The following IGSF3 variants were observed in gnomAD, a reference collection of about 807,000 sequenced individuals.
IGSF3 encodes the protein glu-Trp-Ile EWI motif-containing protein 3.
In IGSF3, 23 loss-of-function variants were observed where a neutral mutation model predicts 114.4. The ratio of observed to expected loss-of-function variants is 0.20; its 90% CI spans 0.14 to 0.28. IGSF3 has a LOEUF of 0.28. IGSF3 is among the 10% of genes least tolerant of loss of function. IGSF3 has a pLI of 1.00. For missense variants in IGSF3, 1,172 were observed against 1,591.5 expected (o/e 0.74, Z 4.48); for synonymous variants, 571 against 645.2 (o/e 0.88, Z 1.74).
At position 116,650,461 on chromosome 1, in the gene IGSF3, G is replaced by A. The variant is rs1557885791; in HGVS notation, c.43+15823C>T. On this transcript the variant is annotated intron_variant, in intron 2 of 10. Transcript: ENST00000369486. The surrounding 1 kb of genome is among the most constrained non-coding windows in gnomAD (Gnocchi z 5.0). ...CTCATACCTCAGTGGCCAAAACCAT[G>A]TCACACGCCCATGTCTAAATTACGG... is the stretch of plus-strand genomic sequence containing the variant. 6.6e-6 allele frequency among the ~76,000 whole-genome samples: 1 copy of A among 152,174 alleles called. No homozygotes were observed. Among genetic ancestry groups the A allele is most frequent in the Non-Finnish European group, 1.5e-5 (1 of 68,036 alleles).
Position 116,610,212 on chromosome 1 carries a change from A to C in IGSF3, c.833-1881T>G, listed in dbSNP as rs200763191. Among the ~76,000 whole-genome samples the C allele has an allele frequency of 2.6e-5, 4 of 152,178 alleles. No individual in the cohort carries two copies. Among genetic ancestry groups the C allele is most frequent in the African/African-American group, 9.7e-5 (4 of 41,450 alleles). On this transcript the variant is annotated intron_variant, in intron 4 of 10. Transcript: ENST00000369486. The surrounding 1 kb of genome is among the most constrained non-coding windows in gnomAD (Gnocchi z 4.3). ...CAACCCAGTTAGTCATTTATAACCC[A>C]ACATCAATGACAGAAAAGCACTCCT...
At chr1:116,617,655 T>G (rs1234365213) in intron 2 of IGSF3, among the ~76,000 whole-genome samples, 1 of 152,214 alleles carries the variant, frequency 6.6e-6, no homozygotes, top group African/African-American at 2.4e-5. Flanking sequence ...TTCTCATCAG[T>G]AAGATGGGGA....
rs1648746091 is a variant in IGSF3, at chr1:116,654,034, A to T, written c.43+12250T>A. On this transcript the variant is annotated intron_variant, in intron 2 of 10. Transcript: ENST00000369486. The surrounding 1 kb of genome is among the most constrained non-coding windows in gnomAD (Gnocchi z 4.4). ...CAGCAAATCATCTCTAAACAATGTC[A>T]TAAAGGGTTACCTAGTTTGGGGTAA... is the stretch of plus-strand genomic sequence containing the variant. 6.6e-6 allele frequency among the ~76,000 whole-genome samples: 1 copy of T among 152,260 alleles called. No individual in the cohort carries two copies.
rs190475271 is a variant in IGSF3 at position 116,628,654 on chromosome 1, A to G, written c.44-12197T>C. On this transcript the variant is annotated intron_variant, in intron 2 of 10. Transcript: ENST00000369486. This position sits in a 1 kb window ranked among gnomAD's most constrained non-coding sequence, Gnocchi z 4.2. ...TGAACATCTACACGTAACTAAAAAT[A>G]AATACTGAGAGCACTGACACTGCTT... Among the ~76,000 whole-genome samples the G allele has an allele frequency of 6.6e-6, 1 of 152,310 alleles. No homozygotes were observed. The highest frequency in any genetic ancestry group is 2.4e-5 in the African/African-American group (1 of 41,560).
rs901895521 is a variant in IGSF3, at chr1:116,585,231, G to T, written c.2441-179C>A. Reference sequence around the variant, plus strand: ...AACATTCTGAGTTCCTTGATCGTGTGTCGGAATGCCTGGGTTTCAAGGAGC... The same window carrying T: ...AACATTCTGAGTTCCTTGATCGTGTTTCGGAATGCCTGGGTTTCAAGGAGC... On this transcript the variant is annotated intron_variant, in intron 8 of 10. Transcript: ENST00000369486. This position sits in a 1 kb window ranked among gnomAD's most constrained non-coding sequence, Gnocchi z 4.9. 2.6e-5 allele frequency among the ~76,000 whole-genome samples: 4 copies of T among 152,320 alleles called. No homozygotes were observed. The highest frequency in any genetic ancestry group is 9.6e-5 in the African/African-American group (4 of 41,566).
rs1449848151 is a variant in IGSF3 at position 116,660,114 on chromosome 1, TG to T, written c.43+6169del. Among the ~76,000 whole-genome samples, 12 of 152,326 alleles carry T rather than the reference TG, an allele frequency of 7.9e-5. No individual in the cohort carries two copies. The South Asian group carries it at 1.7e-3, about 21-fold the overall frequency. ...CATTATAATTCAAACCAATTTTCTG[TG>T]TCCAGCATCATCCCACCTGAACTGG... On this transcript the variant is annotated intron_variant, in intron 2 of 10. Transcript: ENST00000369486.
chr1:116,604,494 T>G (rs1660716614), intron 5 of IGSF3, among the ~76,000 whole-genome samples: 1 of 152,232 alleles, frequency 6.6e-6, no homozygotes, highest in African/African-American at 2.4e-5. Context: ...ATGTGCCATT[T>G]GAGTCCTTCA....
intron 7 of IGSF3, among the ~76,000 whole-genome samples, chr1:116,599,355 A>G (rs1660473545): frequency 1.3e-5 from 2 of 151,468 alleles, no homozygotes; most frequent in Admixed American, 1.3e-4. Flanking sequence ...TGGCCTGTGC[A>G]TTTCACAAAT....
chr1:116,602,605 G>GAGGA (rs1182732310), intron 6 of IGSF3, among the ~76,000 whole-genome samples: 1 of 152,206 alleles, frequency 6.6e-6, no homozygotes, highest in Admixed American at 6.5e-5. Flanking sequence ...TAAGAAAATG[G>GAGGA]AGGACTCTGT....
chr1:116,590,614 G>T (rs888929320), intron 7 of IGSF3, among the ~76,000 whole-genome samples: 1 of 152,148 alleles, frequency 6.6e-6, no homozygotes, highest in Non-Finnish European at 1.5e-5. Flanking sequence ...GCCTGGCCAG[G>T]CTCCAGCACT....
rs13373773 is a variant in IGSF3, at chr1:116,610,337, C to T, written c.833-2006G>A. Among the ~76,000 whole-genome samples the T allele has an allele frequency of 1.3e-5, 2 of 152,162 alleles. No homozygotes were observed. Among genetic ancestry groups the T allele is most frequent in the Admixed American group, 6.5e-5 (1 of 15,274 alleles). On this transcript the variant is annotated intron_variant, in intron 4 of 10. Transcript: ENST00000369486. The surrounding 1 kb of genome is among the most constrained non-coding windows in gnomAD (Gnocchi z 4.3). ...GGCTGTAACTCTGGCTTTCTTCTTT[C>T]GGCGGCCAAAGACTCTTCTCATCTC...
Position 116,588,239 on chromosome 1 carries a change from G to A in IGSF3, c.2440+455C>T, listed in dbSNP as rs1365340514. Among the ~76,000 whole-genome samples the A allele has an allele frequency of 2.0e-5, 3 of 152,170 alleles. No individual in the cohort carries two copies. The highest frequency in any genetic ancestry group is 4.4e-5 in the Non-Finnish European group (3 of 68,030). ...AATGATTCAGTTTGGAGATAGGAAA[G>A]GCTTGTCTGGGCGGGCTGGGAGCTA... On this transcript the variant is annotated intron_variant, in intron 8 of 10. Coordinates refer to ENST00000369486, the MANE Select transcript of IGSF3 (RefSeq NM_001007237.3). The surrounding 1 kb of genome is among the most constrained non-coding windows in gnomAD (Gnocchi z 4.9).
Position 116,644,366 on chromosome 1 carries a change from A to G in IGSF3, c.43+21918T>C, listed in dbSNP as rs1410417284. ...GCAAGCTCCAGACGGGAGATGCGCC[A>G]TATAACAGCAGCAGTTCCACACAGC... is the stretch of plus-strand genomic sequence containing the variant. On this transcript the variant is annotated intron_variant, in intron 2 of 10. Coordinates refer to ENST00000369486, the MANE Select transcript of IGSF3 (RefSeq NM_001007237.3). This position sits in a 1 kb window ranked among gnomAD's most constrained non-coding sequence, Gnocchi z 5.6. Among the ~76,000 whole-genome samples the G allele has an allele frequency of 6.6e-6, 1 of 152,228 alleles. No individual in the cohort carries two copies. Among genetic ancestry groups the G allele is most frequent in the Non-Finnish European group, 1.5e-5 (1 of 68,048 alleles).
Position 116,612,224 on chromosome 1 carries a change from A to G in IGSF3, c.832+1541T>C, listed in dbSNP as rs974567064. 1.3e-5 allele frequency among the ~76,000 whole-genome samples: 2 copies of G among 152,190 alleles called. No individual in the cohort carries two copies. The highest frequency in any genetic ancestry group is 4.8e-5 in the African/African-American group (2 of 41,434). On this transcript the variant is annotated intron_variant, in intron 4 of 10. Transcript: ENST00000369486. This position sits in a 1 kb window ranked among gnomAD's most constrained non-coding sequence, Gnocchi z 4.1. ...AAACTATCCAGGAAGGGAAAGGATA[A>G]ATATAAAATAAAGCCCCTTGGATAG...
chr1:116,621,365 T>C (rs1481531098), intron 2 of IGSF3, among the ~76,000 whole-genome samples: 1 of 152,220 alleles, frequency 6.6e-6, no homozygotes, highest in Non-Finnish European at 1.5e-5. Flanking sequence ...TCTCACTGTG[T>C]TGCCCAGGCT....
chr1:116,658,020 T>C (rs1648940086), intron 2 of IGSF3, among the ~76,000 whole-genome samples: 1 of 151,984 alleles, frequency 6.6e-6, no homozygotes, highest in South Asian at 2.1e-4. Context: ...TTGCTCTGAT[T>C]ATGGTTTTTT....
In IGSF3 at chr1:116,612,939, A is replaced by G. The variant is rs1027295481; in HGVS notation, c.832+826T>C. ...AGAGTCTGGGGCCACAGGAGATACCAAGAGAAGCCAGGGAGGGTTTCAGCT... is the reference window on the plus strand; with the variant it reads ...AGAGTCTGGGGCCACAGGAGATACCGAGAGAAGCCAGGGAGGGTTTCAGCT... On this transcript the variant is annotated intron_variant, in intron 4 of 10. Coordinates refer to ENST00000369486, the MANE Select transcript of IGSF3 (RefSeq NM_001007237.3). This position sits in a 1 kb window ranked among gnomAD's most constrained non-coding sequence, Gnocchi z 4.1. Among the ~76,000 whole-genome samples the G allele has an allele frequency of 6.6e-6, 1 of 152,206 alleles. No individual in the cohort carries two copies. The highest frequency in any genetic ancestry group is 1.5e-5 in the Non-Finnish European group (1 of 68,030).
At position 116,619,993 on chromosome 1, in the gene IGSF3, T is replaced by G. The variant is rs530176986; in HGVS notation, c.44-3536A>C. 4.0e-5 allele frequency among the ~76,000 whole-genome samples: 6 copies of G among 150,766 alleles called. No individual in the cohort carries two copies. The East Asian group carries it at 1.2e-3, about 29-fold the overall frequency. Reference sequence around the variant, plus strand: ...CCCCCAGTCCTCTGCAATGAGTATGTACCAGTTTTATAACTAGAAAAAAAT... The same window carrying G: ...CCCCCAGTCCTCTGCAATGAGTATGGACCAGTTTTATAACTAGAAAAAAAT... On this transcript the variant is annotated intron_variant, in intron 2 of 10. Transcript: ENST00000369486.
intron 2 of IGSF3, among the ~76,000 whole-genome samples, chr1:116,643,661 T>C (rs1458507832): frequency 6.6e-6 from 1 of 152,210 alleles, no homozygotes; most frequent in Non-Finnish European, 1.5e-5. Flanking sequence ...TTCCTGGGTG[T>C]GAGCTTGGCC....
Sources: gnomAD v4.1 joint callset for allele counts (sites outside exome capture counted in the v4.1 genomes callset) on GRCh38, gnomAD v4.1.1 for gene constraint, Gnocchi (gnomAD v3.1) non-coding constraint, MANE v1.5 for transcripts, NCBI Gene and HGNC (gene_info 2026-07-23, HGNC 2026-07-21) for gene names.